Variants in ZNF618 observed in about 807,000 individuals in gnomAD.
The protein encoded by ZNF618 is neural precursor cell expressed, developmentally down-regulated 10.
ZNF618 carries 34 observed loss-of-function variants against 103.0 expected under a neutral mutation model. The ratio of observed to expected loss-of-function variants is 0.33; its 90% CI spans 0.25 to 0.44. ZNF618 has a LOEUF of 0.44. Ranked by LOEUF, ZNF618 falls within the 20% of genes least tolerant of loss-of-function variation. The probability of loss-of-function intolerance (pLI) is 1.00; values close to 1 mark genes in which losing one functional copy is unlikely to be tolerated. For synonymous variants in ZNF618, 551 were observed against 542.2 expected, an observed-to-expected ratio of 1.02 and a Z score of -0.23; for missense variants, 1,059 against 1,295.4, an observed-to-expected ratio of 0.82 and a Z score of 2.80.
intron 1 of ZNF618, among the ~76,000 whole-genome samples, chr9:113,954,417 A>G (rs574532105): frequency 2.6e-5 from 4 of 152,348 alleles, no homozygotes; most frequent in East Asian, 1.9e-4. Flanking sequence ...AGGATACCCA[A>G]GCAACCTACA....
At chr9:113,922,685 A>G (rs1381582284) in intron 1 of ZNF618, among the ~76,000 whole-genome samples, 2 of 152,052 alleles carry the variant, frequency 1.3e-5, no homozygotes, top group African/African-American at 4.8e-5. Flanking sequence ...CCAACACTAC[A>G]CTGTCTTGTT....
Sources: allele counts gnomAD v4.1 joint callset (sites outside exome capture counted in the v4.1 genomes callset), GRCh38; gene constraint gnomAD v4.1.1; transcripts MANE v1.5; gene names NCBI Gene and HGNC (gene_info 2026-07-23, HGNC 2026-07-21).